ADCY2: variants seen among roughly 807,000 people sequenced by gnomAD.
ADCY2 encodes adenylate cyclase type 2.
In ADCY2, 31 loss-of-function variants were observed where a neutral mutation model predicts 125.2. The ratio of observed to expected loss-of-function variants is 0.25; its 90% CI spans 0.19 to 0.33. ADCY2 has a LOEUF of 0.33. ADCY2 is among the 10% of genes least tolerant of loss of function. ADCY2 has a pLI of 1.00. For missense variants in ADCY2, 904 were observed against 1,418.2 expected (o/e 0.64, Z 5.82); for synonymous variants, 512 against 548.4 (o/e 0.93, Z 0.93).
chr5:7,572,431 G>A (rs1490337661), intron 3 of ADCY2, among the ~76,000 whole-genome samples: 3 of 151,670 alleles, frequency 2.0e-5, no homozygotes, highest in Admixed American at 2.0e-4. Flanking sequence ...TCATATGATC[G>A]TTGGCCACAT....
intron 2 of ADCY2, among the ~76,000 whole-genome samples, chr5:7,428,550 A>G (rs887842717): frequency 6.6e-6 from 1 of 152,202 alleles, no homozygotes; most frequent in Non-Finnish European, 1.5e-5. Flanking sequence ...TGTGAAATTG[A>G]ATTATTTTTC....
chr5:7,761,143 C>CTTTTTTTTTTTTTTTTTT, intron 16 of ADCY2, among the ~76,000 whole-genome samples: 1 of 64,514 alleles, frequency 1.6e-5, no homozygotes, highest in Admixed American at 2.2e-4. Flanking sequence ...CTTTTCTTTT[C>CTTTTTTTTTTTTTTTTTT]TTTTCTTTTT....
At position 7,826,968 on chromosome 5, in the gene ADCY2, T is replaced by C; in HGVS notation, c.*97T>C. The C allele has an allele frequency of 6.9e-7, 1 of 1,446,508 alleles. No individual in the cohort carries two copies. The highest frequency in any genetic ancestry group is 9.3e-7 in the Non-Finnish European group (1 of 1,069,708). 89.6% of individuals were successfully genotyped at this position (1,446,508 alleles called of 1,614,324 possible). On this transcript the variant is annotated 3_prime_UTR_variant, in exon 25 of 25. Coordinates refer to ENST00000338316, the MANE Select transcript of ADCY2 (RefSeq NM_020546.3). ...TGTCCCTTGTTTTTGATGTGCGTGCTGTCTGTCCTATGGAGCCTCTGCAGA... is the reference window on the plus strand; with the variant it reads ...TGTCCCTTGTTTTTGATGTGCGTGCCGTCTGTCCTATGGAGCCTCTGCAGA...
At position 7,643,564 on chromosome 5, in the gene ADCY2, T is replaced by C. The variant is rs555153378; in HGVS notation, c.720+17248T>C. 1.4e-3 allele frequency among the ~76,000 whole-genome samples: 209 copies of C among 152,120 alleles called. 1 individual carries two copies. The highest frequency in any genetic ancestry group is 2.3e-3 in the Non-Finnish European group (156 of 67,924). ...CATCATTTTGGTTTCATTTCTTTTT[T>C]TTTTCCACAATAAAATTTATAACAC... is the stretch of plus-strand genomic sequence containing the variant. On this transcript the variant is annotated intron_variant, in intron 4 of 24. Transcript: ENST00000338316.
At chr5:7,549,347 A>G (rs1267992291) in intron 3 of ADCY2, among the ~76,000 whole-genome samples, 1 of 152,164 alleles carries the variant, frequency 6.6e-6, no homozygotes, top group African/African-American at 2.4e-5. Context: ...AATGGAAGGG[A>G]GATGGCAGAA....
At chr5:7,437,622 T>G (rs772288345) in intron 2 of ADCY2, among the ~76,000 whole-genome samples, 10 of 152,230 alleles carry the variant, frequency 6.6e-5, no homozygotes, top group Non-Finnish European at 8.8e-5. Flanking sequence ...GCGTGATAGG[T>G]ACTCGGGAAA....
intron 3 of ADCY2, among the ~76,000 whole-genome samples, chr5:7,583,090 C>T (rs569863393): frequency 6.6e-6 from 1 of 151,710 alleles, no homozygotes; most frequent in South Asian, 2.1e-4. Context: ...ATCTAATTTC[C>T]TTTACAGTTT....
chr5:7,595,985 C>G (rs1187583727), intron 3 of ADCY2, among the ~76,000 whole-genome samples: 1 of 151,936 alleles, frequency 6.6e-6, no homozygotes, highest in Middle Eastern at 3.2e-3. Flanking sequence ...ACTATAGTAG[C>G]AAATTATATA....
In ADCY2 at chr5:7,663,867, CTG is replaced by C. The variant is rs1739622001; in HGVS notation, c.721-26821_721-26820del. Among the ~76,000 whole-genome samples, 3 of 152,294 alleles carry C rather than the reference CTG, an allele frequency of 2.0e-5. No individual in the cohort carries two copies. In the South Asian group the frequency reaches 6.2e-4, roughly 32 times the overall value. ...TCTCTCTTGGAAGGAGGTTTATGCTCTGTGCTATACGGGAAATTTTCTCTAAA... is the reference window on the plus strand; with the variant it reads ...TCTCTCTTGGAAGGAGGTTTATGCTCTGCTATACGGGAAATTTTCTCTAAA... On this transcript the variant is annotated intron_variant, in intron 4 of 24. Transcript: ENST00000338316.
intron 3 of ADCY2, among the ~76,000 whole-genome samples, chr5:7,557,928 G>A (rs1264291670): frequency 6.6e-6 from 1 of 152,154 alleles, no homozygotes; most frequent in Non-Finnish European, 1.5e-5. Context: ...TCTGTATTTA[G>A]GTCTTTGCAG....
intron 1 of ADCY2, among the ~76,000 whole-genome samples, chr5:7,408,148 G>T (rs1195463565): frequency 6.6e-6 from 1 of 151,828 alleles, no homozygotes; most frequent in Non-Finnish European, 1.5e-5. Flanking sequence ...GGGATTATAG[G>T]CATGAGCCAC....
intron 4 of ADCY2, among the ~76,000 whole-genome samples, chr5:7,656,879 T>C (rs1739354907): frequency 6.6e-6 from 1 of 152,160 alleles, no homozygotes. Flanking sequence ...AACGGTTGAG[T>C]ATCCAGAATC....
At chr5:7,734,987 A>G (rs1047079612) in intron 14 of ADCY2, among the ~76,000 whole-genome samples, 4 of 152,180 alleles carry the variant, frequency 2.6e-5, no homozygotes, top group African/African-American at 4.8e-5. Flanking sequence ...AATGCCATTC[A>G]TGAGGTCTCC....
At chr5:7,455,757 AAT>A (rs1164642602) in intron 2 of ADCY2, among the ~76,000 whole-genome samples, 2 of 146,922 alleles carry the variant, frequency 1.4e-5, no homozygotes, top group Non-Finnish European at 3.0e-5. Flanking sequence ...GTTATATAAA[AAT>A]ATATACATAT....
intron 5 of ADCY2, among the ~76,000 whole-genome samples, chr5:7,693,668 C>G (rs1447956192): frequency 1.3e-5 from 2 of 152,122 alleles, no homozygotes; most frequent in East Asian, 3.9e-4. Flanking sequence ...GGTGATCCAC[C>G]CGCCTTGGCC....
intron 3 of ADCY2, among the ~76,000 whole-genome samples, chr5:7,541,093 T>G (rs564246744): frequency 6.6e-6 from 1 of 152,176 alleles, no homozygotes; most frequent in African/African-American, 2.4e-5. Context: ...TACATTTGCA[T>G]CAACTCCAGT....
At chr5:7,630,244 G>A (rs1306390329) in intron 4 of ADCY2, among the ~76,000 whole-genome samples, 1 of 152,016 alleles carries the variant, frequency 6.6e-6, no homozygotes, top group Non-Finnish European at 1.5e-5. Flanking sequence ...GTGATCCTTG[G>A]GTGGTCATGG....
At chr5:7,418,337 C>T (rs372966920) in intron 2 of ADCY2, among the ~76,000 whole-genome samples, 7 of 152,174 alleles carry the variant, frequency 4.6e-5, no homozygotes, top group African/African-American at 7.2e-5. Flanking sequence ...GAGGCCAGCT[C>T]AACCTGCCGC....
intron 4 of ADCY2, among the ~76,000 whole-genome samples, chr5:7,678,030 A>G (rs1740195178): frequency 1.3e-5 from 2 of 152,224 alleles, no homozygotes; most frequent in South Asian, 4.1e-4. Flanking sequence ...TGTTGGCATG[A>G]CAAAGTTGAG....
Sources: gnomAD v4.1 joint callset for allele counts (sites outside exome capture counted in the v4.1 genomes callset) on GRCh38, gnomAD v4.1.1 for gene constraint, MANE v1.5 for transcripts, NCBI Gene and HGNC (gene_info 2026-07-23, HGNC 2026-07-21) for gene names.